The following PIP5K1C variants were observed in gnomAD, a reference collection of about 807,000 sequenced individuals.
PIP5K1C encodes phosphatidylinositol-4-phosphate 5-kinase type 1 gamma.
In PIP5K1C, 45 loss-of-function variants were observed where a neutral mutation model predicts 80.1. The observed-to-expected ratio is 0.56, with a 90% CI of 0.44 to 0.72. The LOEUF is 0.72. Among genes scored for constraint, PIP5K1C ranks in the 30% least tolerant of loss-of-function variants. The pLI, the probability that PIP5K1C is intolerant of heterozygous loss-of-function variation, is 0.00. For missense variants in PIP5K1C, 753 were observed against 954.6 expected (o/e 0.79, Z 2.78); for synonymous variants, 498 against 420.1 (o/e 1.19, Z -2.27).
intron 5 of PIP5K1C, among the ~76,000 whole-genome samples, chr19:3,658,453 G>GA (rs2145472857): frequency 6.6e-6 from 1 of 152,352 alleles, no homozygotes; most frequent in African/African-American, 2.4e-5. Flanking sequence ...ATATCCACAG[G>GA]AAACACAGAG....
intron 1 of PIP5K1C, among the ~76,000 whole-genome samples, chr19:3,691,702 C>G (rs1170920472): frequency 6.6e-6 from 1 of 151,794 alleles, no homozygotes; most frequent in Non-Finnish European, 1.5e-5. Context: ...CTGATTTAAA[C>G]CAATCAGAGT....
chr19:3,634,833 C>T (rs1315987723), intron 16 of PIP5K1C, among the ~76,000 whole-genome samples: 3 of 152,266 alleles, frequency 2.0e-5, no homozygotes, highest in Non-Finnish European at 4.4e-5. Flanking sequence ...CCCCTGTTCC[C>T]GGGCCCTGGG....
intron 1 of PIP5K1C, among the ~76,000 whole-genome samples, chr19:3,677,320 C>A: frequency 6.6e-6 from 1 of 151,796 alleles, no homozygotes; most frequent in South Asian, 2.1e-4. Context: ...CGGTGGCTCA[C>A]GCCTGTCATC....
rs1816677200 is a variant in PIP5K1C at position 3,643,112 on chromosome 19, G to A, written c.1649+131C>T. On this transcript the variant is annotated intron_variant, in intron 13 of 17. Transcript: ENST00000335312. ...CCGCCCCCGCGCACCCACATGCAGT[G>A]TATGTACATCCACCGTACATACGAT... 7 of 1,493,768 alleles carry A rather than the reference G, an allele frequency of 4.7e-6. No individual in the cohort carries two copies. In the South Asian group the frequency reaches 6.8e-5, roughly 15 times the overall value. 92.5% of individuals were successfully genotyped at this position (1,493,768 alleles called of 1,614,324 possible). A position where few individuals can be genotyped will look rare whatever the true frequency, so the allele number is the denominator to read the frequency against.
At position 3,644,160 on chromosome 19, in the gene PIP5K1C, C is replaced by G; in HGVS notation, c.1437G>C (p.Gln479His). 6.2e-7 allele frequency: 1 copy of G among 1,612,258 alleles called. No homozygotes were observed. Residue 479 changes from glutamine (Q) to histidine (H), a missense_variant, in exon 12 of 18, where the codon CAG (glutamine) becomes CAC (histidine). This residue lies in a region of PIP5K1C where 315 missense variants were observed against 294.5 expected (regional missense o/e 1.07). Transcript: ENST00000335312. ...LGPTAAFSASQIPSEREEAQY... is the reference protein window; with the variant it reads ...LGPTAAFSASHIPSEREEAQY... ...GGGCCTCCTCCCGCTCGCTAGGGAT[C>G]TGGCTGGCCGAGAAGGCAGCGGTGG...
intron 1 of PIP5K1C, among the ~76,000 whole-genome samples, chr19:3,694,204 T>C (rs1600098506): frequency 1.6e-5 from 2 of 124,496 alleles, no homozygotes. Flanking sequence ...ACAGCGAGAC[T>C]CCATCTCAAA....
intron 14 of PIP5K1C, among the ~76,000 whole-genome samples, chr19:3,642,397 G>A (rs534194034): frequency 1.6e-4 from 24 of 152,378 alleles, no homozygotes; most frequent in South Asian, 2.1e-4. Flanking sequence ...GCACGCAGGC[G>A]TGACAGGAAC....
intron 1 of PIP5K1C, among the ~76,000 whole-genome samples, chr19:3,697,493 GAGCTGGACCAGGGAGGACCA>G (rs2036161208): frequency 9.9e-5 from 15 of 151,606 alleles, no homozygotes; most frequent in South Asian, 6.3e-4. Context: ...GGGGAGGACC[GAGCTGGACCAGGGAGGACCA>G]AGCTGGACCC....
Position 3,688,921 on chromosome 19 carries a change from G to A in PIP5K1C, c.94+11376C>T, listed in dbSNP as rs1179622192. On this transcript the variant is annotated intron_variant, in intron 1 of 17. Coordinates refer to ENST00000335312, the MANE Select transcript of PIP5K1C (RefSeq NM_012398.3). This position sits in a 1 kb window ranked among gnomAD's most constrained non-coding sequence, Gnocchi z 5.3. ...TCCCCAACACAGCCTGCAAATGGGC[G>A]GGGGCCTGGGAGAGTGCCCGGGATG... Among the ~76,000 whole-genome samples the A allele has an allele frequency of 4.0e-5, 6 of 151,786 alleles. No homozygotes were observed. Among genetic ancestry groups the A allele is most frequent in the South Asian group, 2.1e-4 (1 of 4,818 alleles).
intron 11 of PIP5K1C, 27 bp from the exon 12 acceptor site, chr19:3,644,278 T>C: frequency 6.2e-7 from 1 of 1,605,870 alleles, no homozygotes; most frequent in Non-Finnish European, 8.5e-7. Context: ...GGGTTGGTGC[T>C]TGGGGTTGCT....
chr19:3,689,483 T>C (rs955598116), intron 1 of PIP5K1C, among the ~76,000 whole-genome samples: 6 of 152,026 alleles, frequency 3.9e-5, no homozygotes, highest in African/African-American at 1.2e-4. Context: ...ACCCTGTCTC[T>C]ACTAAAAATA....
rs3815338 is a variant in PIP5K1C, at chr19:3,641,674, C to T, written c.1787+31G>A. 0.56 allele frequency: 866,517 copies of T among 1,557,924 alleles called. 243,624 individuals are homozygous for T. Among genetic ancestry groups the T allele is most frequent in the Admixed American group, 0.64 (38,359 of 59,888 alleles). ...CTCCTCTGGGCCCGCAGCAGGTGGG[C>T]GCCCCGACCTCCCGCCGAGGCCGTG... On this transcript the variant is annotated intron_variant, in intron 15 of 17. Coordinates refer to ENST00000335312, the MANE Select transcript of PIP5K1C (RefSeq NM_012398.3).
At position 3,688,247 on chromosome 19, in the gene PIP5K1C, G is replaced by A. The variant is rs1459694323; in HGVS notation, c.94+12050C>T. Among the ~76,000 whole-genome samples the A allele has an allele frequency of 6.6e-6, 1 of 152,216 alleles. No individual in the cohort carries two copies. Among genetic ancestry groups the A allele is most frequent in the Non-Finnish European group, 1.5e-5 (1 of 68,030 alleles). The stretch of plus-strand genomic sequence containing the variant: ...GCTCCCCAGCGTCCCTGTCCTCCAG[G>A]GGCGCAGCGTCCCTCCGGGGAGTAC... On this transcript the variant is annotated intron_variant, in intron 1 of 17. Transcript: ENST00000335312. This position sits in a 1 kb window ranked among gnomAD's most constrained non-coding sequence, Gnocchi z 5.3.
chr19:3,645,544 T>G (rs1257154214), intron 11 of PIP5K1C, among the ~76,000 whole-genome samples: 1 of 152,230 alleles, frequency 6.6e-6, no homozygotes, highest in African/African-American at 2.4e-5. Flanking sequence ...TGGGCTAGCC[T>G]CCTGCGTTCC....
At position 3,648,472 on chromosome 19, in the gene PIP5K1C, G is replaced by A. The variant is rs2034319621; in HGVS notation, c.1211+153C>T. 6.6e-6 allele frequency among the ~76,000 whole-genome samples: 1 copy of A among 152,214 alleles called. No individual in the cohort carries two copies. ...GCCTCTGTGCATGGGTGTCCTGGGG[G>A]CGCCCATCCACCTGTGGGACTGCAG... On this transcript the variant is annotated intron_variant, in intron 9 of 17. Transcript: ENST00000335312. This position sits in a 1 kb window ranked among gnomAD's most constrained non-coding sequence, Gnocchi z 4.3.
chr19:3,663,050 C>T (rs376400928), intron 3 of PIP5K1C, among the ~76,000 whole-genome samples: 2 of 150,702 alleles, frequency 1.3e-5, no homozygotes, highest in African/African-American at 4.9e-5. Flanking sequence ...ATTTTTAGTA[C>T]AGACAAGGTT....
intron 1 of PIP5K1C, chr19:3,672,621 A>G (rs2035243183): frequency 6.6e-6 from 1 of 152,504 alleles, no homozygotes; most frequent in African/African-American, 2.4e-5. Context: ...CAAAGTAAGA[A>G]TGGGGACGGA....
chr19:3,641,426 C>T (rs1367293898), intron 15 of PIP5K1C, among the ~76,000 whole-genome samples: 3 of 152,094 alleles, frequency 2.0e-5, no homozygotes, highest in African/African-American at 4.8e-5. Flanking sequence ...TGCTGAGCAG[C>T]GTCCCTGGCC....
intron 2 of PIP5K1C, among the ~76,000 whole-genome samples, chr19:3,665,344 T>C (rs1389951179): frequency 6.6e-6 from 1 of 152,166 alleles, no homozygotes; most frequent in East Asian, 1.9e-4. Context: ...CACCTCCCAG[T>C]TGTGGCAACC....
Sources: allele counts gnomAD v4.1 joint callset (sites outside exome capture counted in the v4.1 genomes callset), GRCh38; gene constraint gnomAD v4.1.1; regional missense constraint gnomAD v4.1.1; non-coding constraint Gnocchi (gnomAD v3.1); transcripts MANE v1.5; gene names NCBI Gene and HGNC (gene_info 2026-07-23, HGNC 2026-07-21).